Variants in ZNF420 observed in about 807,000 individuals in gnomAD.
ZNF420 encodes the protein zinc finger protein 420.
A neutral mutation model predicts 44.7 loss-of-function variants in ZNF420; 31 were observed. The observed-to-expected ratio is 0.69, with a 90% CI of 0.52 to 0.94. ZNF420 has a LOEUF of 0.94. Ranked by LOEUF, ZNF420 falls within the 40% of genes least tolerant of loss-of-function variation. The pLI is 0.00. For synonymous variants in ZNF420, 245 were observed against 267.4 expected (o/e 0.92, Z 0.82); for missense variants, 681 against 827.9 (o/e 0.82, Z 2.18).
At chr19:37,112,065 C>T (rs935986309) in intron 4 of ZNF420, among the ~76,000 whole-genome samples, 7 of 152,086 alleles carry the variant, frequency 4.6e-5, no homozygotes, top group East Asian at 1.9e-4. Context: ...CTCCAGTTTT[C>T]GTTTTGGTAG....
At chr19:37,026,125 T>C (rs1162128632) in intron 1 of ZNF420, among the ~76,000 whole-genome samples, 3 of 150,604 alleles carry the variant, frequency 2.0e-5, no homozygotes, top group Non-Finnish European at 4.4e-5. Context: ...AGCAGCCTGA[T>C]CAACATGGAG....
rs556422159 is a variant in ZNF420 at position 37,119,422 on chromosome 19, A to G, written c.137-7706A>G. The stretch of plus-strand genomic sequence containing the variant: ...GAAATCAAGATGTTCTTTGAAACCA[A>G]TGAGAACAAAGACACAACATACCAG... On this transcript the variant is annotated intron_variant, in intron 4 of 4. Coordinates refer to ENST00000337995, the MANE Select transcript of ZNF420 (RefSeq NM_144689.5). 6.6e-5 allele frequency among the ~76,000 whole-genome samples: 10 copies of G among 152,308 alleles called. No homozygotes were observed. In the South Asian group the frequency reaches 1.9e-3, roughly 28 times the overall value.
At chr19:37,034,643 T>C (rs1433378690) in intron 1 of ZNF420, among the ~76,000 whole-genome samples, 9 of 152,162 alleles carry the variant, frequency 5.9e-5, no homozygotes, top group Non-Finnish European at 1.0e-4. Context: ...CTGTTAGAGG[T>C]AAATGTATTT....
intron 1 of ZNF420, among the ~76,000 whole-genome samples, chr19:37,043,267 C>A (rs1599612478): frequency 6.6e-6 from 1 of 152,192 alleles, no homozygotes; most frequent in African/African-American, 2.4e-5. Flanking sequence ...AACACAGTAT[C>A]TGCAAAGTGT....
intron 2 of ZNF420, among the ~76,000 whole-genome samples, chr19:37,086,364 A>T (rs148092905): frequency 1.0e-3 from 155 of 152,238 alleles, no homozygotes; most frequent in African/African-American, 3.6e-3. Context: ...AAATTAAGTG[A>T]CTACTAAGTG....
intron 1 of ZNF420, among the ~76,000 whole-genome samples, chr19:37,061,175 C>T (rs990820734): frequency 7.2e-5 from 11 of 152,216 alleles, no homozygotes; most frequent in African/African-American, 2.2e-4. Flanking sequence ...TTCACAGCAT[C>T]TGCTCTTGAA....
intron 1 of ZNF420, among the ~76,000 whole-genome samples, chr19:37,011,579 A>T (rs367710633): frequency 1.2e-3 from 184 of 151,230 alleles, no homozygotes; most frequent in African/African-American, 4.3e-3. Flanking sequence ...CTTTGCAGAA[A>T]CCTCTCCGCT....
intron 1 of ZNF420, among the ~76,000 whole-genome samples, chr19:37,033,187 T>C (rs1171934319): frequency 6.6e-6 from 1 of 152,202 alleles, no homozygotes; most frequent in Non-Finnish European, 1.5e-5. Flanking sequence ...TAATTTTTAT[T>C]GTGGCAAAAT....
chr19:37,044,434 C>T (rs1971708759), intron 1 of ZNF420, among the ~76,000 whole-genome samples: 1 of 152,194 alleles, frequency 6.6e-6, no homozygotes, highest in Admixed American at 6.5e-5. Context: ...GCTGGAAGGA[C>T]CCTTAGACCA....
At chr19:37,090,442 G>A (rs1969066564) in intron 3 of ZNF420, among the ~76,000 whole-genome samples, 1 of 152,098 alleles carries the variant, frequency 6.6e-6, no homozygotes, top group Non-Finnish European at 1.5e-5. Context: ...CTAGGAGTTG[G>A]AGGCTGCAGT....
At chr19:37,008,495 C>A (rs1568416367) in intron 1 of ZNF420, among the ~76,000 whole-genome samples, 1 of 152,194 alleles carries the variant, frequency 6.6e-6, no homozygotes, top group Non-Finnish European at 1.5e-5. Flanking sequence ...TTTCTAGGAT[C>A]AAGACCACAC....
intron 2 of ZNF420, among the ~76,000 whole-genome samples, chr19:37,081,659 G>A (rs1024397449): frequency 2.7e-5 from 4 of 149,610 alleles, no homozygotes; most frequent in Non-Finnish European, 5.9e-5. Context: ...CCGAGTAGCT[G>A]GGAATACAGG....
Position 37,060,995 on chromosome 19 carries a change from C to T in ZNF420, c.-124-19350C>T, listed in dbSNP as rs1967868683. 2.0e-5 allele frequency among the ~76,000 whole-genome samples: 3 copies of T among 152,100 alleles called. No homozygotes were observed. The South Asian group carries it at 6.2e-4, about 31-fold the overall frequency. On this transcript the variant is annotated intron_variant, in intron 1 of 4. Transcript: ENST00000587029. ...GGAACCTCTTTGCTCCTCCAGCAGG[C>T]ATTTCAAATTGTGGCTTGGACTCAC...
chr19:37,116,902 G>A (rs953037930), intron 4 of ZNF420, among the ~76,000 whole-genome samples: 15 of 152,320 alleles, frequency 9.8e-5, no homozygotes, highest in African/African-American at 3.6e-4. Context: ...AGCGAGGCTG[G>A]GGGAGGGGTG....
intron 1 of ZNF420, among the ~76,000 whole-genome samples, chr19:37,014,569 C>G (rs183755504): frequency 1.0e-3 from 152 of 152,318 alleles, no homozygotes; most frequent in African/African-American, 3.2e-3. Context: ...TTGTCGCAAG[C>G]AGCCTCCTCC....
intron 4 of ZNF420, among the ~76,000 whole-genome samples, chr19:37,116,433 G>T (rs907268788): frequency 6.7e-6 from 1 of 150,262 alleles, no homozygotes; most frequent in Non-Finnish European, 1.5e-5. Flanking sequence ...TGACATAACC[G>T]ATCATTCCTT....
In ZNF420 at chr19:37,050,034, G is replaced by A. The variant is rs1173438845; in HGVS notation, c.-124-30311G>A. On this transcript the variant is annotated intron_variant, in intron 1 of 4. Coordinates refer to the ZNF420 transcript ENST00000587029. ...AAAGATCAGATGGTTGTAGATATGC[G>A]GCATTATTTCTGAGGGCTCTTTTCT... is the stretch of plus-strand genomic sequence containing the variant. Among the ~76,000 whole-genome samples, 15 of 152,138 alleles carry A rather than the reference G, an allele frequency of 9.9e-5. No individual in the cohort carries two copies. In the East Asian group the frequency reaches 2.7e-3, roughly 27 times the overall value.
chr19:37,010,380 C>G (rs118006249), intron 1 of ZNF420, among the ~76,000 whole-genome samples: 1 of 152,112 alleles, frequency 6.6e-6, no homozygotes, highest in Non-Finnish European at 1.5e-5. Context: ...GTGATCTCGA[C>G]GACATGTCTG....
chr19:37,120,273 C>T (rs550069292), intron 4 of ZNF420, among the ~76,000 whole-genome samples: 1 of 152,278 alleles, frequency 6.6e-6, no homozygotes, highest in South Asian at 2.1e-4. Context: ...GCTTATCCCA[C>T]CATGATCAAG....
Sources: gnomAD v4.1 joint callset for allele counts (sites outside exome capture counted in the v4.1 genomes callset) on GRCh38, gnomAD v4.1.1 for gene constraint, MANE v1.5 for transcripts, NCBI Gene and HGNC (gene_info 2026-07-23, HGNC 2026-07-21) for gene names.